The following SEC11C variants were observed in gnomAD, a reference collection of about 807,000 sequenced individuals.
SEC11C encodes the protein signal peptidase complex catalytic subunit SEC11C.
SEC11C carries 10 observed loss-of-function variants against 21.9 expected under a neutral mutation model. That is an observed-to-expected ratio of 0.46 (90% confidence interval 0.28 to 0.77). The LOEUF (loss-of-function observed/expected upper bound fraction) is 0.77, where lower values mean the gene tolerates loss of function less well. SEC11C is among the 30% of genes least tolerant of loss of function. The probability of loss-of-function intolerance (pLI) is 0.12; values close to 1 mark genes in which losing one functional copy is unlikely to be tolerated. For synonymous variants in SEC11C, 83 were observed against 85.6 expected (o/e 0.97, Z 0.17); for missense variants, 145 against 244.5 (o/e 0.59, Z 2.71).
At chr18:59,142,736 T>C (rs934656090) in intron 1 of SEC11C, among the ~76,000 whole-genome samples, 2 of 152,242 alleles carry the variant, frequency 1.3e-5, no homozygotes, top group East Asian at 3.8e-4. Flanking sequence ...TTTTCCGTTA[T>C]GCTCTTTGAG....
chr18:59,141,148 CT>C (rs1039994342), intron 1 of SEC11C, among the ~76,000 whole-genome samples: 7 of 118,192 alleles, frequency 5.9e-5, no homozygotes, highest in African/African-American at 1.8e-4. Flanking sequence ...TGTTTTTCCC[CT>C]CTCACTCTCC....
chr18:59,140,403 G>T (rs1048259286), intron 1 of SEC11C, among the ~76,000 whole-genome samples: 1 of 152,226 alleles, frequency 6.6e-6, no homozygotes, highest in African/African-American at 2.4e-5. Context: ...ATTTCTCTGT[G>T]GGGCTTCAGA....
intron 1 of SEC11C, among the ~76,000 whole-genome samples, chr18:59,146,250 C>T (rs1453806058): frequency 1.3e-5 from 2 of 152,126 alleles, no homozygotes; most frequent in African/African-American, 4.8e-5. Context: ...GGGGGTGGCT[C>T]CAAACAGCAG....
Position 59,157,725 on chromosome 18 carries a change from T to C in SEC11C, c.525+60T>C, listed in dbSNP as rs1353251029. ...CGTTAAATATTGGAGCTTTTACTTCTGCAACTGTAAACAGGCAGTCTTCTT... is the reference window on the plus strand; with the variant it reads ...CGTTAAATATTGGAGCTTTTACTTCCGCAACTGTAAACAGGCAGTCTTCTT... On this transcript the variant is annotated intron_variant, in intron 5 of 5. Transcript: ENST00000587834. 5 of 1,183,588 alleles carry C rather than the reference T, an allele frequency of 4.2e-6. No individual in the cohort carries two copies. In the African/African-American group the frequency reaches 6.1e-5, roughly 14 times the overall value. The allele number at this position is 1,183,588 out of a possible 1,614,324, so 73.3% of individuals were successfully genotyped here.
intron 1 of SEC11C, chr18:59,148,005 C>T (rs1357503983): frequency 2.6e-5 from 4 of 152,198 alleles, no homozygotes; most frequent in African/African-American, 7.2e-5. Context: ...ACCTGTGGCC[C>T]GGTGGAAGGG....
chr18:59,142,021 GAAC>G (rs2144022822), intron 1 of SEC11C, among the ~76,000 whole-genome samples: 1 of 152,222 alleles, frequency 6.6e-6, no homozygotes, highest in African/African-American at 2.4e-5. Context: ...AGGCAAAGGT[GAAC>G]AACAACAAAA....
chr18:59,149,601 G>A lies in SEC11C; in HGVS notation c.176G>A (p.Ser59Asn). The change falls in exon 2 of 6, where the codon AGC becomes AAC. Residue 59 changes from serine (S) to asparagine (N), a missense_variant. Transcript: ENST00000587834. ...KGLIVLTGSE[S>N]PIVVVLSGSM... is the part of the protein sequence containing the mutation. ...TTGATCGTGCTCACAGGCAGTGAGA[G>A]CCCCATCGTGGTGGTGCTGAGGTAG... The A allele has an allele frequency of 6.2e-7, 1 of 1,611,850 alleles. No individual in the cohort carries two copies.
chr18:59,154,037 C>A (rs1251998816), intron 3 of SEC11C, among the ~76,000 whole-genome samples: 1 of 152,104 alleles, frequency 6.6e-6, no homozygotes, highest in East Asian at 1.9e-4. Flanking sequence ...GTGTACCCCA[C>A]AGATATTGAT....
chr18:59,149,860 G>C (rs534865955), intron 2 of SEC11C, among the ~76,000 whole-genome samples: 2 of 152,032 alleles, frequency 1.3e-5, no homozygotes, highest in Admixed American at 6.6e-5. Context: ...GTTGATGCTC[G>C]TGTACCTAAT....
intron 2 of SEC11C, 66 bp downstream of exon 2, chr18:59,149,688 C>A: frequency 1.0e-6 from 1 of 957,510 alleles, no homozygotes; most frequent in Non-Finnish European, 1.7e-6. Flanking sequence ...GCCTGAGGAG[C>A]GGGGCAGCCT....
intron 3 of SEC11C, chr18:59,153,157 T>C (rs1301717550): frequency 6.6e-6 from 1 of 152,584 alleles, no homozygotes; most frequent in Admixed American, 6.5e-5. Context: ...ACTCATCTCA[T>C]GATTTGGCCG....
chr18:59,144,186 T>C (rs11152125), intron 1 of SEC11C, among the ~76,000 whole-genome samples: 68,756 of 152,000 alleles, frequency 0.45, 16,175 homozygotes, highest in East Asian at 0.63. Flanking sequence ...TCCATATTGT[T>C]GCTCATTTAT....
At chr18:59,155,207 A>G (rs941157908) in intron 3 of SEC11C, among the ~76,000 whole-genome samples, 2 of 152,242 alleles carry the variant, frequency 1.3e-5, no homozygotes, top group Non-Finnish European at 2.9e-5. Context: ...GAATGAAGTG[A>G]GTCTGGAAAA....
Position 59,143,008 on chromosome 18 carries a change from T to C in SEC11C, c.87+2973T>C, listed in dbSNP as rs1568063176. On this transcript the variant is annotated intron_variant, in intron 1 of 5. Coordinates refer to ENST00000587834, the MANE Select transcript of SEC11C (RefSeq NM_033280.4). ...TTCCTTTTTCACTCTCCTGGGAATA[T>C]AGTGATAGTTTCATAATTTGCTATT... Among the ~76,000 whole-genome samples the C allele has an allele frequency of 1.3e-5, 2 of 152,060 alleles. 1 individual carries two copies. The highest frequency in any genetic ancestry group is 2.9e-5 in the Non-Finnish European group (2 of 68,032).
intron 4 of SEC11C, 94 bp from the exon 5 acceptor site, chr18:59,157,514 C>A: frequency 1.1e-6 from 1 of 881,228 alleles, no homozygotes. Context: ...TCGTACAATT[C>A]ATTTCTTAAG....
intron 1 of SEC11C, among the ~76,000 whole-genome samples, chr18:59,146,465 A>T (rs532363212): frequency 6.6e-6 from 1 of 152,244 alleles, no homozygotes; most frequent in East Asian, 1.9e-4. Flanking sequence ...GAGGAGATTC[A>T]GGTAGAGGAG....
At chr18:59,151,281 G>A (rs17779072) in intron 2 of SEC11C, among the ~76,000 whole-genome samples, 6,061 of 151,198 alleles carry the variant, frequency 0.04, 321 homozygotes, top group East Asian at 0.21. Context: ...GAAGGAGTAA[G>A]GATGAAGCCA....
intron 5 of SEC11C, among the ~76,000 whole-genome samples, chr18:59,158,390 G>T (rs1603378581): frequency 6.6e-6 from 1 of 152,204 alleles, no homozygotes; most frequent in South Asian, 2.1e-4. Flanking sequence ...AACCTGCGTA[G>T]GAGTAAGCAC....
chr18:59,149,984 A>G (rs1470871649), intron 2 of SEC11C, among the ~76,000 whole-genome samples: 3 of 152,134 alleles, frequency 2.0e-5, no homozygotes, highest in Non-Finnish European at 4.4e-5. Flanking sequence ...AAACAGGCAG[A>G]GAGAGCCTGT....
Sources: gnomAD v4.1 joint callset for allele counts (sites outside exome capture counted in the v4.1 genomes callset) on GRCh38, gnomAD v4.1.1 for gene constraint, MANE v1.5 for transcripts, NCBI Gene and HGNC (gene_info 2026-07-23, HGNC 2026-07-21) for gene names.